LRRC7: variants seen among roughly 807,000 people sequenced by gnomAD.
LRRC7 encodes the protein leucine-rich repeat-containing protein 7.
LRRC7 carries 23 observed loss-of-function variants against 175.7 expected under a neutral mutation model. The ratio of observed to expected loss-of-function variants is 0.13; its 90% CI spans 0.09 to 0.19. The LOEUF is 0.19. Among genes scored for constraint, LRRC7 ranks in the 10% least tolerant of loss-of-function variants. LRRC7 has a pLI of 1.00. For synonymous variants in LRRC7, 685 were observed against 680.9 expected, an observed-to-expected ratio of 1.01 and a Z score of -0.09; for missense variants, 1,354 against 1,904.7, an observed-to-expected ratio of 0.71 and a Z score of 5.38.
At chr1:70,070,186 C>A (rs1362563015) in intron 23 of LRRC7, among the ~76,000 whole-genome samples, 1 of 151,904 alleles carries the variant, frequency 6.6e-6, no homozygotes, top group Non-Finnish European at 1.5e-5. Context: ...AAAAAGACAG[C>A]GTTTCGCCGT....
At chr1:69,819,915 A>G (rs1198137524) in intron 4 of LRRC7, among the ~76,000 whole-genome samples, 1 of 152,028 alleles carries the variant, frequency 6.6e-6, no homozygotes, top group Non-Finnish European at 1.5e-5. Flanking sequence ...TCTATCCTTC[A>G]GCCTACATAA....
At position 70,143,759 on chromosome 1, in the gene LRRC7, CACA is replaced by C. The variant is rs760776444; in HGVS notation, c.*21876_*21878del. The stretch of plus-strand genomic sequence containing the variant: ...TACCATTTTATAAAAAAAATCAAAT[CACA>C]ACATGTTTAACTGAAATGGCTGTAT... On this transcript the variant is annotated 3_prime_UTR_variant, in exon 27 of 27. Coordinates refer to ENST00000651989, the MANE Select transcript of LRRC7 (RefSeq NM_001370785.2). The C allele has an allele frequency of 2.0e-5, 3 of 152,186 alleles. No individual in the cohort carries two copies. Among genetic ancestry groups the C allele is most frequent in the Middle Eastern group, 3.4e-3 (1 of 294 alleles). The allele number at this position is 152,186 out of a possible 1,614,324, so 9.4% of individuals were successfully genotyped here.
chr1:69,678,552 A>C, intron 2 of LRRC7, 74 bp downstream of exon 2: 1 of 993,392 alleles, frequency 1.0e-6, no homozygotes, highest in Non-Finnish European at 1.5e-6. Flanking sequence ...GAAATGAGTG[A>C]CCTTTAAATG....
At chr1:70,111,295 G>T (rs1321531991) in intron 26 of LRRC7, among the ~76,000 whole-genome samples, 1 of 152,088 alleles carries the variant, frequency 6.6e-6, no homozygotes, top group East Asian at 1.9e-4. Flanking sequence ...ATGAAGATGT[G>T]TGCAATAAGG....
chr1:69,819,575 CTCTGTGTG>C (rs1291166014), intron 4 of LRRC7, among the ~76,000 whole-genome samples: 2,384 of 133,156 alleles, frequency 0.018, 56 homozygotes, highest in African/African-American at 0.071. Context: ...CTCTCTCTCT[CTCTGTGTG>C]TGTGTGTGTG....
chr1:69,579,010 A>G (rs921400767), intron 1 of LRRC7, among the ~76,000 whole-genome samples: 1 of 152,138 alleles, frequency 6.6e-6, no homozygotes, highest in African/African-American at 2.4e-5. Flanking sequence ...GGTAATATGG[A>G]TGAATACTTC....
At chr1:70,036,368 T>A (rs1386026203) in intron 19 of LRRC7, 76 bp from the exon 20 acceptor site, 1 of 1,469,418 alleles carries the variant, frequency 6.8e-7, no homozygotes, top group East Asian at 2.3e-5. Flanking sequence ...TCGGTATGGT[T>A]TCCATTTTTC....
chr1:69,675,540 G>A (rs755658147), intron 1 of LRRC7, among the ~76,000 whole-genome samples: 1 of 152,046 alleles, frequency 6.6e-6, no homozygotes, highest in Non-Finnish European at 1.5e-5. Context: ...GTAGACATTT[G>A]CATGTGCAGG....
chr1:69,817,272 T>C (rs918781018), intron 4 of LRRC7, among the ~76,000 whole-genome samples: 11 of 151,984 alleles, frequency 7.2e-5, no homozygotes, highest in Non-Finnish European at 4.4e-5. Flanking sequence ...GTTTCAGGTC[T>C]TATATATAAG....
chr1:69,978,266 G>A (rs1653036245), intron 8 of LRRC7, among the ~76,000 whole-genome samples: 1 of 149,362 alleles, frequency 6.7e-6, no homozygotes, highest in South Asian at 2.2e-4. Flanking sequence ...CTGGGTGACA[G>A]AGTGAGACTC....
At chr1:69,672,157 G>A (rs1430160332) in intron 1 of LRRC7, among the ~76,000 whole-genome samples, 1 of 152,298 alleles carries the variant, frequency 6.6e-6, no homozygotes, top group East Asian at 1.9e-4. Context: ...TGTGTGTGTA[G>A]ATAGTTGTTA....
At chr1:69,878,422 A>G (rs1358073789) in intron 7 of LRRC7, among the ~76,000 whole-genome samples, 1 of 152,206 alleles carries the variant, frequency 6.6e-6, no homozygotes, top group Non-Finnish European at 1.5e-5. Context: ...TGATAGTCAC[A>G]CTGAGATTGG....
intron 2 of LRRC7, among the ~76,000 whole-genome samples, chr1:69,719,560 T>C (rs1165644587): frequency 1.3e-5 from 2 of 151,666 alleles, no homozygotes; most frequent in Non-Finnish European, 3.0e-5. Context: ...TGACCTAGCA[T>C]TATAGACTTA....
At chr1:69,996,327 C>T (rs532248461) in intron 11 of LRRC7, among the ~76,000 whole-genome samples, 84 of 152,130 alleles carry the variant, frequency 5.5e-4, no homozygotes, top group African/African-American at 1.9e-3. Context: ...GAGTAGGTTG[C>T]GAAAATTTTC....
chr1:69,773,034 A>G (rs1338819964), intron 3 of LRRC7, among the ~76,000 whole-genome samples: 1 of 152,238 alleles, frequency 6.6e-6, no homozygotes, highest in Non-Finnish European at 1.5e-5. Flanking sequence ...AATGGTGAAT[A>G]TAAACATCTC....
At chr1:69,784,550 T>C (rs1206685112) in intron 3 of LRRC7, among the ~76,000 whole-genome samples, 1 of 152,226 alleles carries the variant, frequency 6.6e-6, no homozygotes, top group Non-Finnish European at 1.5e-5. Flanking sequence ...GTCCTCCTTG[T>C]TCCATAGATT....
intron 7 of LRRC7, among the ~76,000 whole-genome samples, chr1:69,929,122 G>A (rs1278421687): frequency 1.3e-5 from 2 of 151,986 alleles, no homozygotes; most frequent in Non-Finnish European, 2.9e-5. Context: ...ATATTCTCAA[G>A]ACCTCACAAT....
chr1:69,948,089 G>A (rs1343363122), intron 8 of LRRC7, among the ~76,000 whole-genome samples: 1 of 152,128 alleles, frequency 6.6e-6, no homozygotes, highest in Non-Finnish European at 1.5e-5. Context: ...AGGAGAGACA[G>A]AGCAGGACAG....
intron 8 of LRRC7, among the ~76,000 whole-genome samples, chr1:69,952,329 A>G (rs1039342987): frequency 2.6e-5 from 4 of 152,036 alleles, no homozygotes; most frequent in Non-Finnish European, 5.9e-5. Flanking sequence ...TCCTTGCCCA[A>G]ATGCATTTAT....
Sources: gnomAD v4.1 joint callset for allele counts (sites outside exome capture counted in the v4.1 genomes callset) on GRCh38, gnomAD v4.1.1 for gene constraint, MANE v1.5 for transcripts, NCBI Gene and HGNC (gene_info 2026-07-23, HGNC 2026-07-21) for gene names.